The following STK32A variants were observed in gnomAD, a reference collection of about 807,000 sequenced individuals.
STK32A encodes serine/threonine kinase 32A.
STK32A carries 41 observed loss-of-function variants against 53.2 expected under a neutral mutation model. The ratio of observed to expected loss-of-function variants is 0.77; its 90% CI spans 0.60 to 1.00. The LOEUF (loss-of-function observed/expected upper bound fraction) is 1.00, where lower values mean the gene tolerates loss of function less well. Among genes scored for constraint, STK32A ranks in the 50% least tolerant of loss-of-function variants. The probability of loss-of-function intolerance (pLI) is 0.00; values close to 1 mark genes in which losing one functional copy is unlikely to be tolerated. For synonymous variants in STK32A, 166 were observed against 162.8 expected (o/e 1.02, Z -0.15); for missense variants, 458 against 485.8 (o/e 0.94, Z 0.54).
chr5:147,241,249 C>T (rs1053755973), intron 2 of STK32A, among the ~76,000 whole-genome samples: 3 of 152,122 alleles, frequency 2.0e-5, no homozygotes, highest in African/African-American at 4.8e-5. Flanking sequence ...GAGGCCGAGG[C>T]GGGCGGATCA....
chr5:147,265,072 G>A (rs1754743256), intron 2 of STK32A, among the ~76,000 whole-genome samples: 2 of 135,370 alleles, frequency 1.5e-5, no homozygotes, highest in South Asian at 2.3e-4. Context: ...TATACTGATA[G>A]CATATTCGTT....
chr5:147,397,752 G>T, the STK32A span: 1 of 1,614,194 alleles, frequency 6.2e-7, no homozygotes, highest in Non-Finnish European at 8.5e-7. Flanking sequence ...GTCACGTGCA[G>T]GTTGCCATCT....
At position 147,375,177 on chromosome 5, in the gene STK32A, G is replaced by T; in HGVS notation, c.991G>T (p.Ala331Ser). The change falls in exon 11 of 13, where the codon GCA becomes TCA. Residue 331 changes from alanine to serine, a missense_variant. By Grantham distance (99) the Ala-to-Ser change is moderately conservative. Coordinates refer to ENST00000397936, the MANE Select transcript of STK32A (RefSeq NM_001112724.2). ...KPLHKKKKRL[A>S]KKEKDMRKCD... ...TCTACATAAGAAAAAAAAGCGTCTG[G>T]CAAAGAAGGAGAAGGATATGAGGAA... 6.2e-7 allele frequency: 1 copy of T among 1,610,752 alleles called. No individual in the cohort carries two copies. Among genetic ancestry groups the T allele is most frequent in the South Asian group, 1.1e-5 (1 of 90,224 alleles).
the STK32A span, among the ~76,000 whole-genome samples, chr5:147,397,199 T>G: frequency 6.9e-6 from 1 of 144,588 alleles, no homozygotes; most frequent in Non-Finnish European, 1.5e-5. Context: ...TACACACATA[T>G]CTCTGTGTGT....
intron 5 of STK32A, among the ~76,000 whole-genome samples, chr5:147,329,423 G>T (rs1754755918): frequency 6.6e-6 from 1 of 152,212 alleles, no homozygotes; most frequent in African/African-American, 2.4e-5. Flanking sequence ...TTATTTACTG[G>T]GTACCTATTT....
At chr5:147,307,308 T>C (rs1753457020) in intron 4 of STK32A, among the ~76,000 whole-genome samples, 1 of 151,966 alleles carries the variant, frequency 6.6e-6, no homozygotes, top group Admixed American at 6.6e-5. Context: ...TGCGTAGTGA[T>C]TTCTGTGTTC....
the STK32A span, among the ~76,000 whole-genome samples, chr5:147,400,518 C>T: frequency 1.3e-5 from 2 of 152,206 alleles, no homozygotes; most frequent in Non-Finnish European, 2.9e-5. Context: ...GGATTCATCA[C>T]ACTAGAAGGA....
chr5:147,399,335 C>G, the STK32A span: 1 of 1,448,146 alleles, frequency 6.9e-7, no homozygotes, highest in Non-Finnish European at 9.2e-7. Flanking sequence ...GAAAGACAAC[C>G]CACAAAGGCA....
chr5:147,325,682 T>C (rs1040748016), intron 5 of STK32A, among the ~76,000 whole-genome samples: 2 of 152,190 alleles, frequency 1.3e-5, no homozygotes, highest in African/African-American at 4.8e-5. Context: ...GTTAATTACG[T>C]AGGATCTCAG....
intron 2 of STK32A, among the ~76,000 whole-genome samples, chr5:147,255,264 T>C (rs1263078093): frequency 6.6e-6 from 1 of 152,148 alleles, no homozygotes; most frequent in African/African-American, 2.4e-5. Context: ...CTTTTCAAAC[T>C]TTTTTTTAAT....
At chr5:147,356,805 G>GA (rs540186453) in intron 7 of STK32A, among the ~76,000 whole-genome samples, 18 of 148,392 alleles carry the variant, frequency 1.2e-4, no homozygotes, top group Admixed American at 2.0e-4. Flanking sequence ...TTCAAAATCT[G>GA]AAAAAAAAAA....
intron 2 of STK32A, among the ~76,000 whole-genome samples, chr5:147,250,375 A>C (rs1372039626): frequency 6.6e-6 from 1 of 152,192 alleles, no homozygotes; most frequent in Non-Finnish European, 1.5e-5. Flanking sequence ...GACAGTGTGG[A>C]GACCAAGGAG....
At chr5:147,284,657 C>A (rs1752233510) in intron 4 of STK32A, among the ~76,000 whole-genome samples, 1 of 83,594 alleles carries the variant, frequency 1.2e-5, no homozygotes, top group Non-Finnish European at 2.4e-5. Flanking sequence ...ATCCCTTTTA[C>A]AATAGCTGCA....
At chr5:147,309,957 A>G (rs1254533646) in intron 4 of STK32A, among the ~76,000 whole-genome samples, 2 of 152,230 alleles carry the variant, frequency 1.3e-5, no homozygotes, top group African/African-American at 2.4e-5. Context: ...CTCTTAAACC[A>G]AACATTTTAA....
Position 147,331,156 on chromosome 5 carries a change from T to C in STK32A, c.434+7085T>C, listed in dbSNP as rs112196095. ...TTCTGAAGCCTGTGGGAATGAGTCATCTGGAAAGATGTTTTTCTAATTCCT... is the reference window on the plus strand; with the variant it reads ...TTCTGAAGCCTGTGGGAATGAGTCACCTGGAAAGATGTTTTTCTAATTCCT... On this transcript the variant is annotated intron_variant, in intron 5 of 12. Coordinates refer to ENST00000397936, the MANE Select transcript of STK32A (RefSeq NM_001112724.2). Among the ~76,000 whole-genome samples, 1,027 of 152,298 alleles carry C rather than the reference T, an allele frequency of 6.7e-3. 14 individuals carry two copies. Among genetic ancestry groups the C allele is most frequent in the African/African-American group, 0.022 (894 of 41,550 alleles).
chr5:147,268,693 T>C (rs1754909010), intron 2 of STK32A, among the ~76,000 whole-genome samples: 1 of 152,168 alleles, frequency 6.6e-6, no homozygotes, highest in Non-Finnish European at 1.5e-5. Context: ...AGGGGGAATA[T>C]GCATTTCAAG....
intron 5 of STK32A, among the ~76,000 whole-genome samples, chr5:147,334,818 A>G (rs796542059): frequency 4.6e-5 from 7 of 152,238 alleles, no homozygotes; most frequent in African/African-American, 1.7e-4. Flanking sequence ...TATTCTTTCA[A>G]TGTTTTCTGG....
At chr5:147,309,077 T>C (rs1377162241) in intron 4 of STK32A, among the ~76,000 whole-genome samples, 6 of 151,814 alleles carry the variant, frequency 4.0e-5, no homozygotes, top group African/African-American at 1.5e-4. Context: ...GAGGAAGAAA[T>C]TGGTAATGTA....
chr5:147,393,881 C>T, the STK32A span: 3 of 752,418 alleles, frequency 4.0e-6, no homozygotes, highest in Admixed American at 2.8e-5. Flanking sequence ...GCTAGGCAAG[C>T]GAGCGTAACA....
Sources: gnomAD v4.1 joint callset for allele counts (sites outside exome capture counted in the v4.1 genomes callset) on GRCh38, gnomAD v4.1.1 for gene constraint, MANE v1.5 for transcripts, NCBI Gene and HGNC (gene_info 2026-07-23, HGNC 2026-07-21) for gene names.